Variants in PDHX observed in about 807,000 individuals in gnomAD.
PDHX encodes pyruvate dehydrogenase protein X component, mitochondrial.
In PDHX, 33 loss-of-function variants were observed where a neutral mutation model predicts 55.3. The ratio of observed to expected loss-of-function variants is 0.60; its 90% CI spans 0.45 to 0.80. The LOEUF (loss-of-function observed/expected upper bound fraction) is 0.80, where lower values mean the gene tolerates loss of function less well. Ranked by LOEUF, PDHX falls within the 30% of genes least tolerant of loss-of-function variation. The pLI is 0.00. For synonymous variants in PDHX, 226 were observed against 219.4 expected, an observed-to-expected ratio of 1.03 and a Z score of -0.27; for missense variants, 622 against 619.9, an observed-to-expected ratio of 1.00 and a Z score of -0.04.
chr11:34,917,508 G>A (rs1853759655), intron 1 of PDHX, among the ~76,000 whole-genome samples: 4 of 152,164 alleles, frequency 2.6e-5, no homozygotes, highest in African/African-American at 9.7e-5. Context: ...GGCAGGCCGG[G>A]TATTATTTTT....
intron 6 of PDHX, among the ~76,000 whole-genome samples, chr11:34,969,850 T>G (rs1359664691): frequency 6.6e-6 from 1 of 151,940 alleles, no homozygotes; most frequent in East Asian, 1.9e-4. Context: ...TTTGGTAGGT[T>G]TCTTTCTTAT....
At chr11:34,991,594 G>A (rs1855758656) in intron 9 of PDHX, among the ~76,000 whole-genome samples, 1 of 152,146 alleles carries the variant, frequency 6.6e-6, no homozygotes, top group Non-Finnish European at 1.5e-5. Context: ...TACTTTGGTT[G>A]CCATTGGATA....
intron 3 of PDHX, among the ~76,000 whole-genome samples, chr11:34,949,224 CT>C (rs1234462097): frequency 6.6e-6 from 1 of 150,422 alleles, no homozygotes; most frequent in Admixed American, 6.6e-5. Flanking sequence ...ACTAGTAAAT[CT>C]TTTTTTCTTC....
At chr11:34,931,229 AT>A (rs1174909088) in intron 1 of PDHX, among the ~76,000 whole-genome samples, 174 bp from the exon 2 acceptor site, 3 of 152,200 alleles carry the variant, frequency 2.0e-5, no homozygotes, top group Non-Finnish European at 4.4e-5. Flanking sequence ...AAAAAATTGA[AT>A]TTTATGTTTC....
intron 2 of PDHX, among the ~76,000 whole-genome samples, chr11:34,936,800 T>TTTTTG (rs1854328149): frequency 7.5e-6 from 1 of 132,734 alleles, no homozygotes; most frequent in African/African-American, 3.0e-5. Flanking sequence ...TTTTTTTTTT[T>TTTTTG]TTTTTCTGAG....
chr11:34,927,387 G>A (rs1328225684), intron 1 of PDHX, among the ~76,000 whole-genome samples: 1 of 152,076 alleles, frequency 6.6e-6, no homozygotes, highest in Non-Finnish European at 1.5e-5. Flanking sequence ...GAGAATGGTA[G>A]AATGTACAGC....
intron 1 of PDHX, among the ~76,000 whole-genome samples, chr11:34,930,827 CT>C (rs1233781095): frequency 2.0e-5 from 3 of 152,194 alleles, no homozygotes; most frequent in Non-Finnish European, 4.4e-5. Flanking sequence ...CATTTAAATT[CT>C]GATCATCCTT....
chr11:34,916,362 G>C, upstream of PDHX: 1 of 1,573,960 alleles, frequency 6.4e-7, no homozygotes. Flanking sequence ...ATACGGCAGC[G>C]AGGCCGCAAA....
intron 3 of PDHX, among the ~76,000 whole-genome samples, chr11:34,951,253 G>A (rs1212192570): frequency 6.6e-6 from 1 of 151,738 alleles, no homozygotes; most frequent in Non-Finnish European, 1.5e-5. Flanking sequence ...TAGAGACGGG[G>A]TTTCACCGTG....
At chr11:34,950,956 C>T (rs564445038) in intron 3 of PDHX, among the ~76,000 whole-genome samples, 373 of 150,224 alleles carry the variant, frequency 2.5e-3, no homozygotes, top group African/African-American at 8.7e-3. Context: ...GCCACACTGA[C>T]TTCCACAATG....
At chr11:34,941,060 C>T (rs1854463435) in intron 2 of PDHX, among the ~76,000 whole-genome samples, 1 of 105,260 alleles carries the variant, frequency 9.5e-6, no homozygotes, top group African/African-American at 3.9e-5. Flanking sequence ...CTGTCGAATA[C>T]AGTAGCTACT....
Position 34,983,789 on chromosome 11 carries a change from G to A in PDHX, c.1024-781G>A, listed in dbSNP as rs530378466. Among the ~76,000 whole-genome samples, 10 of 152,248 alleles carry A rather than the reference G, an allele frequency of 6.6e-5. 1 individual carries two copies. The highest frequency in any genetic ancestry group is 4.2e-4 in the South Asian group (2 of 4,818). Reference sequence around the variant, plus strand: ...GAAATAAAAGAGAATACAAACAAATGGAAGAACATTCCATGGTCATGGGTA... The same window carrying A: ...GAAATAAAAGAGAATACAAACAAATAGAAGAACATTCCATGGTCATGGGTA... On this transcript the variant is annotated intron_variant, in intron 8 of 10. Coordinates refer to ENST00000227868, the MANE Select transcript of PDHX (RefSeq NM_003477.3).
At chr11:34,977,452 C>T (rs1289024151) in intron 7 of PDHX, among the ~76,000 whole-genome samples, 2 of 152,120 alleles carry the variant, frequency 1.3e-5, no homozygotes, top group African/African-American at 4.8e-5. Context: ...CAAATGCATT[C>T]ACCATAAAAC....
At chr11:34,931,608 T>G in intron 2 of PDHX, 124 bp downstream of exon 2, 1 of 656,998 alleles carries the variant, frequency 1.5e-6, no homozygotes, top group Non-Finnish European at 2.7e-6. Context: ...TGTGTTCCTT[T>G]GGTAGTTAAT....
chr11:34,943,153 T>A lies in PDHX; in HGVS notation c.242-4353T>A, dbSNP rs531025316. 6.5e-3 allele frequency among the ~76,000 whole-genome samples: 990 copies of A among 152,290 alleles called. 8 individuals carry two copies. The highest frequency in any genetic ancestry group is 0.023 in the African/African-American group (944 of 41,562). Reference sequence around the variant, plus strand: ...GATGGGAATATAAAACATTTAAGTGTCCTGTCCGTATTGTGAAGAAGCTCA... The same window carrying A: ...GATGGGAATATAAAACATTTAAGTGACCTGTCCGTATTGTGAAGAAGCTCA... On this transcript the variant is annotated intron_variant, in intron 2 of 10. Transcript: ENST00000227868.
At chr11:34,950,578 A>C (rs553408333) in intron 3 of PDHX, among the ~76,000 whole-genome samples, 2 of 136,596 alleles carry the variant, frequency 1.5e-5, no homozygotes, top group African/African-American at 2.8e-5. Context: ...TCCTGTGTCC[A>C]TGTGTTCTCA....
chr11:34,933,581 A>C (rs952633584), intron 2 of PDHX, among the ~76,000 whole-genome samples: 1 of 152,208 alleles, frequency 6.6e-6, no homozygotes, highest in Non-Finnish European at 1.5e-5. Context: ...TAAATTTTCT[A>C]GCTCTTTCCC....
chr11:34,946,365 A>T (rs1854620108), intron 2 of PDHX, among the ~76,000 whole-genome samples: 1 of 152,004 alleles, frequency 6.6e-6, no homozygotes, highest in South Asian at 2.1e-4. Context: ...CTTATTTTAC[A>T]ATCTTTGACA....
chr11:34,959,782 C>T (rs921425576), intron 4 of PDHX, among the ~76,000 whole-genome samples: 1 of 152,006 alleles, frequency 6.6e-6, no homozygotes, highest in African/African-American at 2.4e-5. Flanking sequence ...ATATTATGCT[C>T]AGTAAAATAA....
Sources: allele counts gnomAD v4.1 joint callset (sites outside exome capture counted in the v4.1 genomes callset), GRCh38; gene constraint gnomAD v4.1.1; transcripts MANE v1.5; gene names NCBI Gene and HGNC (gene_info 2026-07-23, HGNC 2026-07-21).